Variants in TRPM1 observed in about 807,000 individuals in gnomAD.
TRPM1 encodes transient receptor potential cation channel subfamily M member 1.
TRPM1 carries 113 observed loss-of-function variants against 149.4 expected under a neutral mutation model. That is an observed-to-expected ratio of 0.76 (90% CI 0.65 to 0.88). TRPM1 has a LOEUF of 0.88. Among genes scored for constraint, TRPM1 ranks in the 40% least tolerant of loss-of-function variants. TRPM1 has a pLI of 0.00. For missense variants in TRPM1, 1,976 were observed against 2,038.7 expected (o/e 0.97, Z 0.59); for synonymous variants, 741 against 759.5 (o/e 0.98, Z 0.40).
chr15:31,114,963 A>C (rs751762828), intron 1 of TRPM1, among the ~76,000 whole-genome samples: 1 of 152,252 alleles, frequency 6.6e-6, no homozygotes. Flanking sequence ...AGGAGTTAAA[A>C]TAGATCTGAG....
upstream of TRPM1, among the ~76,000 whole-genome samples, chr15:31,102,325 A>G (rs1362386599): frequency 1.3e-5 from 2 of 152,192 alleles, no homozygotes; most frequent in African/African-American, 4.8e-5. Flanking sequence ...ATTTGCTGTA[A>G]CAGTATGCGT....
rs538654347 is a variant in TRPM1 at position 31,128,363 on chromosome 15, C to T, written c.54+32543G>A. On this transcript the variant is annotated intron_variant, in intron 1 of 26. Coordinates refer to the TRPM1 transcript ENST00000542188. ...CATTTTCTAGCCTGCCCGTCTCTTTCGCTTGTGGGCTGCATCGTCTGTCTT... is the reference window on the plus strand; with the variant it reads ...CATTTTCTAGCCTGCCCGTCTCTTTTGCTTGTGGGCTGCATCGTCTGTCTT... 3.9e-5 allele frequency among the ~76,000 whole-genome samples: 6 copies of T among 152,304 alleles called. No homozygotes were observed. The South Asian group carries it at 8.3e-4, about 21-fold the overall frequency.
Position 31,063,229 on chromosome 15 carries a change from A to G in TRPM1, c.854T>C (p.Ile285Thr). ...CTCTTCTTGCAGGTATTCCAAGACGATGGACACCACGTTAGGGCCCCCCTC... is the reference window on the plus strand; with the variant it reads ...CTCTTCTTGCAGGTATTCCAAGACGGTGGACACCACGTTAGGGCCCCCCTC... ...VVEGGPNVVS[I>T]VLEYLQEEPP... Residue 285 changes from isoleucine to threonine, a missense_variant, in exon 8 of 28, where the codon ATC (isoleucine) becomes ACC (threonine). By Grantham distance (89) the Ile-to-Thr change is moderately conservative. Around this residue, in one of 3 missense-constraint regions of TRPM1, gnomAD observed 1,332 missense variants for 1,347.1 expected, o/e 0.99. Transcript: ENST00000256552. 6.2e-7 allele frequency: 1 copy of G among 1,614,184 alleles called. No homozygotes were observed. The highest frequency in any genetic ancestry group is 8.5e-7 in the Non-Finnish European group (1 of 1,180,020).
At chr15:31,005,774 A>C (rs1384609651) in intron 27 of TRPM1, among the ~76,000 whole-genome samples, 2 of 152,250 alleles carry the variant, frequency 1.3e-5, no homozygotes, top group African/African-American at 4.8e-5. Flanking sequence ...AAGGACAAAT[A>C]AATGAGGATC....
chr15:31,025,829 T>C (rs942008686), intron 27 of TRPM1, among the ~76,000 whole-genome samples: 1 of 152,226 alleles, frequency 6.6e-6, no homozygotes. Context: ...GGGAGAAGGA[T>C]GGCTTTCTGT....
intron 23 of TRPM1, 26 bp from the exon 24 acceptor site, chr15:31,029,417 T>A (rs1320389519): frequency 6.2e-7 from 1 of 1,610,988 alleles, no homozygotes; most frequent in Non-Finnish European, 8.5e-7. Flanking sequence ...AAAGCAGGAT[T>A]TTTGTTTTGT....
chr15:31,094,891 G>T (rs2035335998), intron 1 of TRPM1, among the ~76,000 whole-genome samples: 1 of 152,158 alleles, frequency 6.6e-6, no homozygotes. Flanking sequence ...CAAGAGAAAT[G>T]AAAACAGAGA....
chr15:31,090,446 G>A (rs1375055721), intron 1 of TRPM1, among the ~76,000 whole-genome samples: 1 of 152,124 alleles, frequency 6.6e-6, no homozygotes, highest in East Asian at 1.9e-4. Context: ...AGACCAGCCT[G>A]GCCAACATGG....
intron 8 of TRPM1, 68 bp from the exon 9 acceptor site, chr15:31,062,770 A>C: frequency 1.3e-6 from 2 of 1,556,054 alleles, no homozygotes; most frequent in Non-Finnish European, 1.8e-6. Flanking sequence ...AGTCAGACAT[A>C]TCTCTGTCTT....
Position 31,041,940 on chromosome 15 carries a change from T to C in TRPM1, c.2087+11A>G. 1.2e-6 allele frequency: 2 copies of C among 1,614,116 alleles called. No homozygotes were observed. Among genetic ancestry groups the C allele is most frequent in the Non-Finnish European group, 1.7e-6 (2 of 1,180,008 alleles). The stretch of plus-strand genomic sequence containing the variant: ...TCTCTCCTGGCCTTTAAATCCCCGC[T>C]AGACACTAACTTGGAATTGTTATCC... On this transcript the variant is annotated intron_variant, in intron 17 of 27. Coordinates refer to ENST00000256552, the MANE Select transcript of TRPM1 (RefSeq NM_001252024.2).
chr15:31,012,371 A>G (rs113969936), intron 27 of TRPM1, among the ~76,000 whole-genome samples: 1 of 152,306 alleles, frequency 6.6e-6, no homozygotes, highest in Admixed American at 6.5e-5. Context: ...TTTAAAGGAT[A>G]GTTTTGCTGC....
chr15:31,037,400 T>A (rs554600157), intron 20 of TRPM1, among the ~76,000 whole-genome samples: 1 of 152,352 alleles, frequency 6.6e-6, no homozygotes, highest in South Asian at 2.1e-4. Context: ...CATTTAAAAA[T>A]AAAATTATAG....
Position 31,079,613 on chromosome 15 carries a change from T to G in TRPM1, c.3+1740A>C, listed in dbSNP as rs2034804856. Among the ~76,000 whole-genome samples the G allele has an allele frequency of 2.0e-5, 3 of 152,360 alleles. No homozygotes were observed. In the South Asian group the frequency reaches 6.2e-4, roughly 32 times the overall value. ...TTTTGCCGTAGCCCATTCATTAGCA[T>G]TGAGTCACTCAGTCCATCCCACACT... is the stretch of plus-strand genomic sequence containing the variant. On this transcript the variant is annotated intron_variant, in intron 2 of 27. Coordinates refer to ENST00000256552, the MANE Select transcript of TRPM1 (RefSeq NM_001252024.2).
intron 6 of TRPM1, among the ~76,000 whole-genome samples, 184 bp downstream of exon 6, chr15:31,066,879 A>G (rs1416587230): frequency 1.3e-5 from 2 of 152,194 alleles, no homozygotes; most frequent in Non-Finnish European, 2.9e-5. Flanking sequence ...CCTTGACCTT[A>G]TCAATGACAG....
chr15:31,123,981 A>G (rs2035912072), intron 1 of TRPM1, among the ~76,000 whole-genome samples: 1 of 152,222 alleles, frequency 6.6e-6, no homozygotes, highest in East Asian at 1.9e-4. Context: ...CAGACAATGG[A>G]GCATTATTCA....
At chr15:31,126,033 G>A (rs2141038472) in intron 1 of TRPM1, among the ~76,000 whole-genome samples, 1 of 152,102 alleles carries the variant, frequency 6.6e-6, no homozygotes, top group East Asian at 1.9e-4. Flanking sequence ...TCGGGAGGCT[G>A]AGGCAGGAGA....
chr15:31,062,706 T>A lies in TRPM1; in HGVS notation c.966-4A>T. ...CCTGAGGGACTCATTTATTATTCTG[T>A]TCAAAGAAAATGCAAGAGAACAAAA... On this transcript the variant is annotated splice_polypyrimidine_tract_variant and splice_region_variant and intron_variant, in intron 8 of 27. Coordinates refer to ENST00000256552, the MANE Select transcript of TRPM1 (RefSeq NM_001252024.2). 6.2e-7 allele frequency: 1 copy of A among 1,613,868 alleles called. No homozygotes were observed.
rs748043795 is a variant in TRPM1, at chr15:31,047,209, C to T, written c.1666G>A (p.Gly556Arg). The T allele has an allele frequency of 1.4e-5, 22 of 1,614,016 alleles. No individual in the cohort carries two copies. The highest frequency in any genetic ancestry group is 1.1e-4 in the South Asian group (10 of 91,074). ...PDYHISLIDI[G>R]LVLEYLMGGA... is the part of the protein sequence containing the mutation. ...CCCATGAGGTACTCCAGCACGAGCC[C>T]GATGTCTATGAGGCTGATGTGGTAA... Residue 556 changes from glycine to arginine, a missense_variant, in exon 15 of 28, where the codon GGG (glycine) becomes AGG (arginine). By Grantham distance (125) the Gly-to-Arg change is moderately radical (BLOSUM62 -2). Coordinates refer to ENST00000256552, the MANE Select transcript of TRPM1 (RefSeq NM_001252024.2).
intron 16 of TRPM1, among the ~76,000 whole-genome samples, chr15:31,043,427 C>T (rs111385989): frequency 0.019 from 2,921 of 152,080 alleles, 91 homozygotes; most frequent in African/African-American, 0.068. Context: ...CTCCTGACCT[C>T]GTGGTCCTCC....
Sources: allele counts gnomAD v4.1 joint callset (sites outside exome capture counted in the v4.1 genomes callset), GRCh38; gene constraint gnomAD v4.1.1; regional missense constraint gnomAD v4.1.1; transcripts MANE v1.5; gene names NCBI Gene and HGNC (gene_info 2026-07-23, HGNC 2026-07-21).